WNT9A: variants seen among roughly 807,000 people sequenced by gnomAD.
WNT9A encodes the protein Wnt family member 9A.
A neutral mutation model predicts 31.4 loss-of-function variants in WNT9A; 8 were observed. That is an observed-to-expected ratio of 0.26 (90% CI 0.15 to 0.46). The LOEUF is 0.46. WNT9A is among the 20% of genes least tolerant of loss of function. The pLI, the probability that WNT9A is intolerant of heterozygous loss-of-function variation, is 0.99. For missense variants in WNT9A, 457 were observed against 522.9 expected (o/e 0.87, Z 1.23); for synonymous variants, 236 against 220.1 (o/e 1.07, Z -0.64).
intron 1 of WNT9A, among the ~76,000 whole-genome samples, chr1:227,944,367 G>C (rs1666762810): frequency 1.3e-5 from 2 of 152,222 alleles, no homozygotes; most frequent in African/African-American, 2.4e-5. Context: ...CTGGGGGAGG[G>C]GAACGGGCAG....
intron 1 of WNT9A, among the ~76,000 whole-genome samples, chr1:227,934,163 G>A (rs1666553335): frequency 6.6e-6 from 1 of 152,166 alleles, no homozygotes; most frequent in Non-Finnish European, 1.5e-5. Context: ...TCACACATGT[G>A]TTTGTGTGGA....
chr1:227,924,258 C>G lies in WNT9A; in HGVS notation c.495G>C (p.Trp165Cys). Residue 165 changes from tryptophan to cysteine, a missense_variant, in exon 3 of 4, where the codon TGG becomes TGC. By Grantham distance (215) the Trp-to-Cys change is radical. Transcript: ENST00000272164. ...ACTTAAGGTTGTCTCCGCAGCCCCC[C>G]CACTGCCAGGCCTCACGGTTCTCCA... Reference protein sequence around the residue: ...PDLENREAWQWGGCGDNLKYS... With the variant: ...PDLENREAWQCGGCGDNLKYS... 1 of 1,613,904 alleles carries G rather than the reference C, an allele frequency of 6.2e-7. No individual in the cohort carries two copies. The highest frequency in any genetic ancestry group is 1.7e-5 in the Admixed American group (1 of 60,030).
intron 1 of WNT9A, among the ~76,000 whole-genome samples, chr1:227,934,141 C>T (rs897224176): frequency 6.6e-5 from 10 of 152,168 alleles, no homozygotes; most frequent in Admixed American, 5.2e-4. Context: ...TACCTGCTGC[C>T]ATTATGAACA....
chr1:227,921,995 G>C lies in WNT9A; in HGVS notation c.621C>G (p.Ile207Met). The C allele has an allele frequency of 6.2e-7, 1 of 1,605,262 alleles. No homozygotes were observed. The highest frequency in any genetic ancestry group is 8.5e-7 in the Non-Finnish European group (1 of 1,174,870). Residue 207 changes from isoleucine to methionine, a missense_variant, in exon 4 of 4, where the codon ATC becomes ATG. Transcript: ENST00000272164. Reference sequence around the variant, plus strand: ...TGCAGGTGGTCTCCACCCCAGCCTTGATCACCTGGCAGAAGGGTGCGGGAG... The same window carrying C: ...TGCAGGTGGTCTCCACCCCAGCCTTCATCACCTGGCAGAAGGGTGCGGGAG... ...FHNNLVGVKV[I>M]KAGVETTCKC...
chr1:227,934,046 C>T (rs1289905180), intron 1 of WNT9A, among the ~76,000 whole-genome samples: 1 of 152,236 alleles, frequency 6.6e-6, no homozygotes, highest in Non-Finnish European at 1.5e-5. Context: ...AGGGTGAATC[C>T]TATTCCATTG....
chr1:227,925,156 C>G lies in WNT9A; in HGVS notation c.352+107G>C. On this transcript the variant is annotated intron_variant, in intron 2 of 3. Coordinates refer to ENST00000272164, the MANE Select transcript of WNT9A (RefSeq NM_003395.4). This position sits in a 1 kb window ranked among gnomAD's most constrained non-coding sequence, Gnocchi z 6.0. ...CCCAGGAGCTCTGGGCAGGCTGGGC[C>G]CGGCGTCCCCAGGAGCGCAGCCTAA... is the stretch of plus-strand genomic sequence containing the variant. The G allele has an allele frequency of 7.1e-7, 1 of 1,409,478 alleles. No homozygotes were observed. Among genetic ancestry groups the G allele is most frequent in the Non-Finnish European group, 9.2e-7 (1 of 1,081,406 alleles). 87.3% of individuals were successfully genotyped at this position (1,409,478 alleles called of 1,614,324 possible). A position where few individuals can be genotyped will look rare whatever the true frequency, so the allele number is the denominator to read the frequency against.
At chr1:227,938,007 C>T (rs538918997) in intron 1 of WNT9A, among the ~76,000 whole-genome samples, 51 of 152,276 alleles carry the variant, frequency 3.3e-4, no homozygotes, top group Admixed American at 1.1e-3. Context: ...GCCCTGGGGG[C>T]CACCTGGGAC....
rs987907787 is a variant in WNT9A at position 227,926,960 on chromosome 1, G to A, written c.96-1441C>T. Among the ~76,000 whole-genome samples, 6 of 152,046 alleles carry A rather than the reference G, an allele frequency of 3.9e-5. No homozygotes were observed. The highest frequency in any genetic ancestry group is 7.4e-5 in the Non-Finnish European group (5 of 68,004). ...GGCACCTGCCTCCAGGGCCACAGGC[G>A]CAGGCCACAGAAGGAGCAGGTAGTG... On this transcript the variant is annotated intron_variant, in intron 1 of 3. Coordinates refer to ENST00000272164, the MANE Select transcript of WNT9A (RefSeq NM_003395.4). The surrounding 1 kb of genome is among the most constrained non-coding windows in gnomAD (Gnocchi z 5.0).
chr1:227,947,389 G>C (rs899669247), intron 1 of WNT9A, among the ~76,000 whole-genome samples: 29 of 152,302 alleles, frequency 1.9e-4, no homozygotes, highest in African/African-American at 6.5e-4. Context: ...TTAACTTCTC[G>C]AGAAGAGAAA....
intron 1 of WNT9A, among the ~76,000 whole-genome samples, chr1:227,940,943 C>T (rs923757282): frequency 7.2e-5 from 11 of 152,260 alleles, no homozygotes; most frequent in Non-Finnish European, 1.2e-4. Flanking sequence ...CCACCTGCCA[C>T]CCTGCCCGGC....
chr1:227,925,488 G>A lies in WNT9A; in HGVS notation c.127C>T (p.Pro43Ser), dbSNP rs542754543. ...GCCGCCTCTGGCTCCAGGGTCAGCGGGAGGATGGTCAGGGGCTCGCTGCCC... is the reference window on the plus strand; with the variant it reads ...GCCGCCTCTGGCTCCAGGGTCAGCGAGAGGATGGTCAGGGGCTCGCTGCCC... ...LTGSEPLTIL[P>S]LTLEPEAAAQ... The change falls in exon 2 of 4, where the codon CCG (proline) becomes TCG (serine). Residue 43 changes from proline (P) to serine (S), a missense_variant. Coordinates refer to ENST00000272164, the MANE Select transcript of WNT9A (RefSeq NM_003395.4). This position sits in a 1 kb window ranked among gnomAD's most constrained non-coding sequence, Gnocchi z 6.0. The A allele has an allele frequency of 1.3e-6, 2 of 1,569,692 alleles. No homozygotes were observed. Among genetic ancestry groups the A allele is most frequent in the South Asian group, 2.3e-5 (2 of 86,778 alleles).
Position 227,921,680 on chromosome 1 carries a change from C to A in WNT9A, c.936G>T (p.Arg312Ser), listed in dbSNP as rs144400080. ...TCTCGCAGTTCTTCTCACGGTGGCA[C>A]CTACGGCCAGCGGTGCCCGGGGAGA... Reference protein sequence around the residue: ...GRFSPGTAGRRCHREKNCESI... With the variant: ...GRFSPGTAGRSCHREKNCESI... The change falls in exon 4 of 4, where the codon AGG becomes AGT. Residue 312 changes from arginine (R) to serine (S), a missense_variant. By Grantham distance (110) the Arg-to-Ser change is moderately radical. Transcript: ENST00000272164. 7.8e-5 allele frequency: 126 copies of A among 1,613,184 alleles called. 1 individual carries two copies. In the Middle Eastern group the frequency reaches 8.2e-4, roughly 11 times the overall value.
chr1:227,920,398 G>A lies in WNT9A; in HGVS notation c.*1120C>T, dbSNP rs963533395. 2 of 152,250 alleles carry A rather than the reference G, an allele frequency of 1.3e-5. No individual in the cohort carries two copies. The highest frequency in any genetic ancestry group is 4.8e-5 in the African/African-American group (2 of 41,476). 9.4% of individuals were successfully genotyped at this position (152,250 alleles called of 1,614,324 possible). ...CTCCCAGACTGGGGCTTGGCCGAGA[G>A]CGGGGAGCTGCAGCCGGGGAGGTGG... On this transcript the variant is annotated 3_prime_UTR_variant, in exon 4 of 4. Coordinates refer to ENST00000272164, the MANE Select transcript of WNT9A (RefSeq NM_003395.4).
chr1:227,929,352 G>A (rs1314861453), intron 1 of WNT9A, among the ~76,000 whole-genome samples: 1 of 152,232 alleles, frequency 6.6e-6, no homozygotes, highest in Non-Finnish European at 1.5e-5. Context: ...AGGACACGGG[G>A]AGACACTCTT....
At chr1:227,935,461 G>GCCCTCT (rs1403006488) in intron 1 of WNT9A, among the ~76,000 whole-genome samples, 5 of 152,198 alleles carry the variant, frequency 3.3e-5, no homozygotes, top group African/African-American at 1.2e-4. Context: ...TCACCATCTG[G>GCCCTCT]CCCTCTCCTC....
intron 1 of WNT9A, among the ~76,000 whole-genome samples, chr1:227,929,387 A>G (rs548948268): frequency 5.9e-4 from 90 of 152,390 alleles, no homozygotes; most frequent in African/African-American, 2.1e-3. Context: ...CCAGACTGAC[A>G]TATCTAGGAA....
At chr1:227,923,792 A>G (rs1054634039) in intron 3 of WNT9A, among the ~76,000 whole-genome samples, 3 of 152,118 alleles carry the variant, frequency 2.0e-5, no homozygotes, top group Non-Finnish European at 4.4e-5. Context: ...TGGGGCCCAC[A>G]GTGCCATGAT....
intron 3 of WNT9A, 45 bp downstream of exon 3, chr1:227,924,093 C>A (rs749881366): frequency 9.9e-7 from 1 of 1,011,614 alleles, no homozygotes; most frequent in Admixed American, 2.1e-5. Flanking sequence ...CCCTGACGCT[C>A]TTTCTGACCC....
rs1325597152 is a variant in WNT9A, at chr1:227,921,126, G to A, written c.*392C>T. The A allele has an allele frequency of 8.4e-6, 2 of 238,342 alleles. No individual in the cohort carries two copies. Among genetic ancestry groups the A allele is most frequent in the East Asian group, 1.9e-4 (2 of 10,810 alleles). The allele number at this position is 238,342 out of a possible 1,614,324, so 14.8% of individuals were successfully genotyped here. ...TAGACCTTCTCACACCATGTGCAAT[G>A]CCTGCACTCTGAGCAGCAGGGCTGA... On this transcript the variant is annotated 3_prime_UTR_variant, in exon 4 of 4. Transcript: ENST00000272164.
Sources: gnomAD v4.1 joint callset for allele counts (sites outside exome capture counted in the v4.1 genomes callset) on GRCh38, gnomAD v4.1.1 for gene constraint, Gnocchi (gnomAD v3.1) non-coding constraint, MANE v1.5 for transcripts, NCBI Gene and HGNC (gene_info 2026-07-23, HGNC 2026-07-21) for gene names.